Variants in CDH18 observed in about 807,000 individuals in gnomAD.
The protein encoded by CDH18 is cadherin-18.
CDH18 carries 31 observed loss-of-function variants against 67.9 expected under a neutral mutation model. The ratio of observed to expected loss-of-function variants is 0.46; its 90% CI spans 0.34 to 0.62. CDH18 has a LOEUF of 0.62. CDH18 is among the 20% of genes least tolerant of loss of function. The pLI is 0.01. For synonymous variants in CDH18, 362 were observed against 347.2 expected, an observed-to-expected ratio of 1.04 and a Z score of -0.48; for missense variants, 890 against 975.5, an observed-to-expected ratio of 0.91 and a Z score of 1.17.
chr5:19,658,714 C>CAT (rs1401904677), intron 5 of CDH18, among the ~76,000 whole-genome samples: 1 of 151,170 alleles, frequency 6.6e-6, no homozygotes, highest in Non-Finnish European at 1.5e-5. Flanking sequence ...AGGTTTGTTA[C>CAT]ATATATATAC....
chr5:20,070,514 T>A (rs1255293470), intron 2 of CDH18, among the ~76,000 whole-genome samples: 2 of 152,206 alleles, frequency 1.3e-5, no homozygotes, highest in East Asian at 3.9e-4. Context: ...ACCAGAGCGG[T>A]ATTAGGGAAA....
At position 19,937,252 on chromosome 5, in the gene CDH18, C is replaced by A. The variant is rs187018421; in HGVS notation, c.-257+43808G>T. On this transcript the variant is annotated intron_variant, in intron 2 of 12. Transcript: ENST00000382275. The stretch of plus-strand genomic sequence containing the variant: ...CAGTTCTGGACACCTATCACTCATT[C>A]ATTTGATTAGGCAATTATTCTTTCA... 4.6e-5 allele frequency among the ~76,000 whole-genome samples: 7 copies of A among 151,390 alleles called. No individual in the cohort carries two copies. The East Asian group carries it at 9.7e-4, about 21-fold the overall frequency.
intron 2 of CDH18, among the ~76,000 whole-genome samples, chr5:20,207,157 T>G (rs1379951741): frequency 6.6e-6 from 1 of 151,750 alleles, no homozygotes. Context: ...CTACAGAATA[T>G]ATAGTCAACA....
At chr5:20,244,174 A>G (rs1399354655) in intron 2 of CDH18, among the ~76,000 whole-genome samples, 1 of 82,324 alleles carries the variant, frequency 1.2e-5, no homozygotes, top group Non-Finnish European at 2.3e-5. Context: ...AAATGATTTT[A>G]TAACAACCTC....
intron 1 of CDH18, among the ~76,000 whole-genome samples, chr5:20,259,568 C>A (rs929962982): frequency 6.6e-6 from 1 of 152,106 alleles, no homozygotes; most frequent in Non-Finnish European, 1.5e-5. Context: ...TTTCTTATGA[C>A]TTTCTTATTT....
At chr5:19,644,845 G>C (rs1754503949) in intron 5 of CDH18, among the ~76,000 whole-genome samples, 3 of 152,100 alleles carry the variant, frequency 2.0e-5, no homozygotes, top group Non-Finnish European at 4.4e-5. Context: ...TGGATAATGT[G>C]CAACCCCAAG....
At chr5:19,716,047 G>A in intron 5 of CDH18, among the ~76,000 whole-genome samples, 1 of 152,006 alleles carries the variant, frequency 6.6e-6, no homozygotes, top group East Asian at 1.9e-4. Flanking sequence ...TTGAACTCCT[G>A]ACCTGACGTG....
intron 1 of CDH18, among the ~76,000 whole-genome samples, chr5:20,343,311 T>G (rs996824309): frequency 1.3e-5 from 2 of 152,118 alleles, no homozygotes; most frequent in East Asian, 3.9e-4. Flanking sequence ...ACAGAAAACT[T>G]ATAGGTTGAA....
At chr5:19,485,646 C>T (rs763332611) in intron 11 of CDH18, among the ~76,000 whole-genome samples, 11 of 152,134 alleles carry the variant, frequency 7.2e-5, no homozygotes, top group Non-Finnish European at 1.5e-4. Flanking sequence ...GTCATGTTTA[C>T]TCTCCCAGAA....
At chr5:20,034,408 T>G (rs1226591629) in intron 2 of CDH18, among the ~76,000 whole-genome samples, 1 of 152,060 alleles carries the variant, frequency 6.6e-6, no homozygotes, top group Non-Finnish European at 1.5e-5. Flanking sequence ...TGGTTTGTAA[T>G]GACTAATTTT....
intron 2 of CDH18, among the ~76,000 whole-genome samples, chr5:19,905,090 G>C (rs1790392518): frequency 6.6e-6 from 1 of 152,124 alleles, no homozygotes; most frequent in South Asian, 2.1e-4. Context: ...CTAGAGTAAG[G>C]CTGGGAGAAT....
At chr5:20,444,857 G>A (rs961675048) in intron 1 of CDH18, among the ~76,000 whole-genome samples, 1 of 150,910 alleles carries the variant, frequency 6.6e-6, no homozygotes, top group African/African-American at 2.4e-5. Context: ...TAAGAGAGAT[G>A]CTTCCAGTCT....
intron 1 of CDH18, among the ~76,000 whole-genome samples, chr5:20,449,661 T>C (rs1561013507): frequency 6.6e-6 from 1 of 152,034 alleles, no homozygotes; most frequent in Non-Finnish European, 1.5e-5. Flanking sequence ...CACATTTATA[T>C]GTATTAACAT....
chr5:20,040,274 TA>T (rs1458234895), intron 2 of CDH18, among the ~76,000 whole-genome samples: 3 of 151,870 alleles, frequency 2.0e-5, no homozygotes, highest in African/African-American at 7.3e-5. Context: ...TCCCAGAACA[TA>T]AAGAATAATA....
intron 2 of CDH18, among the ~76,000 whole-genome samples, chr5:20,148,063 A>C (rs1750796547): frequency 6.6e-6 from 1 of 151,628 alleles, no homozygotes; most frequent in Non-Finnish European, 1.5e-5. Context: ...TACCTTTGTT[A>C]AGCATACAAT....
intron 6 of CDH18, among the ~76,000 whole-genome samples, chr5:19,608,945 A>C (rs921829349): frequency 1.3e-5 from 2 of 151,792 alleles, no homozygotes; most frequent in Non-Finnish European, 2.9e-5. Flanking sequence ...AATTCCTTCC[A>C]TTTAGGATAT....
At chr5:20,007,503 T>C (rs1191113407) in intron 2 of CDH18, among the ~76,000 whole-genome samples, 1 of 152,118 alleles carries the variant, frequency 6.6e-6, no homozygotes, top group South Asian at 2.1e-4. Context: ...TAAATGTCCA[T>C]GAAATCTTTG....
At chr5:19,862,935 TGA>T (rs2149987439) in intron 2 of CDH18, among the ~76,000 whole-genome samples, 1 of 152,206 alleles carries the variant, frequency 6.6e-6, no homozygotes, top group South Asian at 2.1e-4. Context: ...CAAGGTCACA[TGA>T]GAGAACACCA....
At chr5:20,024,654 A>C (rs1738730537) in intron 2 of CDH18, among the ~76,000 whole-genome samples, 1 of 152,188 alleles carries the variant, frequency 6.6e-6, no homozygotes, top group Admixed American at 6.5e-5. Flanking sequence ...CCATGTGTTG[A>C]CATGATAAGG....
Sources: allele counts gnomAD v4.1 joint callset (sites outside exome capture counted in the v4.1 genomes callset), GRCh38; gene constraint gnomAD v4.1.1; transcripts MANE v1.5; gene names NCBI Gene and HGNC (gene_info 2026-07-23, HGNC 2026-07-21).